Variants in FOXK1 observed in about 807,000 individuals in gnomAD.
FOXK1 encodes the protein forkhead box protein K1.
Under a neutral mutation model 51.9 loss-of-function variants are expected in FOXK1, and 19 were observed. The observed-to-expected ratio is 0.37, with a 90% CI of 0.26 to 0.54. The LOEUF (loss-of-function observed/expected upper bound fraction) is 0.54. Ranked by LOEUF, FOXK1 falls within the 20% of genes least tolerant of loss-of-function variation. The probability of loss-of-function intolerance (pLI) is 0.87; values close to 1 mark genes in which losing one functional copy is unlikely to be tolerated. For missense variants in FOXK1, 870 were observed against 1,032.7 expected, an observed-to-expected ratio of 0.84 and a Z score of 2.16; for synonymous variants, 537 against 482.6, an observed-to-expected ratio of 1.11 and a Z score of -1.48.
chr7:4,688,919 G>A (rs749029487), intron 1 of FOXK1, among the ~76,000 whole-genome samples: 3 of 151,652 alleles, frequency 2.0e-5, no homozygotes, highest in Non-Finnish European at 4.4e-5. Context: ...CCCACAATTT[G>A]TAACATTAGC....
intron 2 of FOXK1, among the ~76,000 whole-genome samples, chr7:4,751,615 G>A (rs1053821702): frequency 2.0e-5 from 3 of 152,228 alleles, no homozygotes; most frequent in African/African-American, 4.8e-5. Flanking sequence ...CTGGTACCAG[G>A]CACAGCCCCG....
Position 4,757,097 on chromosome 7 carries a change from C to T in FOXK1, c.1154C>T (p.Ser385Phe), listed in dbSNP as rs1780862654. Residue 385 changes from serine to phenylalanine, a missense_variant, in exon 5 of 9, where the codon TCT becomes TTT. Transcript: ENST00000328914. ...TCCTTTTGGCGAATAGACCCTGCCT[C>T]TGAAGCCAAGCTCGTGGAACAGGCA... ...KGSFWRIDPA[S>F]EAKLVEQAFR... 1 of 1,613,878 alleles carries T rather than the reference C, an allele frequency of 6.2e-7. No individual in the cohort carries two copies. The highest frequency in any genetic ancestry group is 1.3e-5 in the African/African-American group (1 of 75,038).
At chr7:4,705,996 A>ATATATG (rs1780091704) in intron 1 of FOXK1, among the ~76,000 whole-genome samples, 1 of 96,402 alleles carries the variant, frequency 1.0e-5, no homozygotes. Flanking sequence ...ATATATACGT[A>ATATATG]TATATACGTA....
intron 1 of FOXK1, among the ~76,000 whole-genome samples, chr7:4,738,996 G>A (rs987317455): frequency 2.6e-5 from 4 of 152,168 alleles, no homozygotes; most frequent in Non-Finnish European, 5.9e-5. Context: ...GGCACCCTTC[G>A]TCACCCTCTG....
Position 4,695,758 on chromosome 7 carries a change from G to A in FOXK1, c.560+12890G>A, listed in dbSNP as rs181352609. Reference sequence around the variant, plus strand: ...TCGAGACCAGCCTGACCAACGTGGAGAAACCCCGTCTCTACTAAAAATACA... The same window carrying A: ...TCGAGACCAGCCTGACCAACGTGGAAAAACCCCGTCTCTACTAAAAATACA... On this transcript the variant is annotated intron_variant, in intron 1 of 8. Transcript: ENST00000328914. Among the ~76,000 whole-genome samples, 675 of 152,260 alleles carry A rather than the reference G, an allele frequency of 4.4e-3. 8 individuals carry two copies. Among genetic ancestry groups the A allele is most frequent in the African/African-American group, 0.016 (652 of 41,562 alleles).
intron 1 of FOXK1, among the ~76,000 whole-genome samples, chr7:4,693,721 A>G (rs1779920547): frequency 6.6e-6 from 1 of 152,074 alleles, no homozygotes; most frequent in Admixed American, 6.6e-5. Flanking sequence ...AAAGTCAGTA[A>G]CAGAATTTGT....
rs111828250 is a variant in FOXK1 at position 4,683,300 on chromosome 7, T to G, written c.560+432T>G. 6.9e-6 allele frequency among the ~76,000 whole-genome samples: 1 copy of G among 145,344 alleles called. No homozygotes were observed. The highest frequency in any genetic ancestry group is 2.1e-4 in the East Asian group (1 of 4,746). ...GACCCCTGACCCAGATCCCTGCTGC[T>G]CCCCAGCTCCCATCGGCCTGGACTC... On this transcript the variant is annotated intron_variant, in intron 1 of 8. Transcript: ENST00000328914. This position sits in a 1 kb window ranked among gnomAD's most constrained non-coding sequence, Gnocchi z 4.5.
Position 4,745,193 on chromosome 7 carries a change from C to G in FOXK1, c.746+4170C>G, listed in dbSNP as rs548901677. 4.1e-4 allele frequency among the ~76,000 whole-genome samples: 63 copies of G among 152,332 alleles called. No homozygotes were observed. Among genetic ancestry groups the G allele is most frequent in the Middle Eastern group, 3.4e-3 (1 of 294 alleles). On this transcript the variant is annotated intron_variant, in intron 2 of 8. Coordinates refer to ENST00000328914, the MANE Select transcript of FOXK1 (RefSeq NM_001037165.2). This position sits in a 1 kb window ranked among gnomAD's most constrained non-coding sequence, Gnocchi z 4.3. Reference sequence around the variant, plus strand: ...CAAGGCTGTCCCCTCCCAGTGCCGCCCCGCCCCCGCGGTGCCTGCCTTCCT... The same window carrying G: ...CAAGGCTGTCCCCTCCCAGTGCCGCGCCGCCCCCGCGGTGCCTGCCTTCCT...
At chr7:4,686,927 T>G (rs991916762) in intron 1 of FOXK1, among the ~76,000 whole-genome samples, 1 of 148,276 alleles carries the variant, frequency 6.7e-6, no homozygotes, top group African/African-American at 2.6e-5. Context: ...CACTTAATTT[T>G]TTTTCTTTTC....
rs371408634 is a variant in FOXK1 at position 4,750,890 on chromosome 7, G to A, written c.747-3569G>A. On this transcript the variant is annotated intron_variant, in intron 2 of 8. Coordinates refer to ENST00000328914, the MANE Select transcript of FOXK1 (RefSeq NM_001037165.2). ...TGGCTGATTTTGCATTTTCAGTAGAGACGGGATTTCTCTAAATCGGGCAGG... is the reference window on the plus strand; with the variant it reads ...TGGCTGATTTTGCATTTTCAGTAGAAACGGGATTTCTCTAAATCGGGCAGG... Among the ~76,000 whole-genome samples, 30 of 151,882 alleles carry A rather than the reference G, an allele frequency of 2.0e-4. No individual in the cohort carries two copies. The East Asian group carries it at 3.1e-3, about 16-fold the overall frequency.
At position 4,688,150 on chromosome 7, in the gene FOXK1, A is replaced by G. The variant is rs991328981; in HGVS notation, c.560+5282A>G. Among the ~76,000 whole-genome samples, 6 of 150,484 alleles carry G rather than the reference A, an allele frequency of 4.0e-5. No individual in the cohort carries two copies. The South Asian group carries it at 8.4e-4, about 21-fold the overall frequency. The stretch of plus-strand genomic sequence containing the variant: ...ATCATCTTGTGGCCAGGCTTGTTTT[A>G]TCTTCACCCCCATTCACCTTTCCCC... On this transcript the variant is annotated intron_variant, in intron 1 of 8. Coordinates refer to ENST00000328914, the MANE Select transcript of FOXK1 (RefSeq NM_001037165.2).
chr7:4,755,352 C>G lies in FOXK1; in HGVS notation c.1019C>G (p.Pro340Arg), dbSNP rs143547591. 2 of 1,613,700 alleles carry G rather than the reference C, an allele frequency of 1.2e-6. No individual in the cohort carries two copies. The highest frequency in any genetic ancestry group is 2.7e-5 in the African/African-American group (2 of 75,048). The change falls in exon 4 of 9, where the codon CCC becomes CGC. Residue 340 changes from proline (P) to arginine (R), a missense_variant. Around this residue, in one of 3 missense-constraint regions of FOXK1, gnomAD observed 399 missense variants for 475.6 expected, o/e 0.84. Coordinates refer to ENST00000328914, the MANE Select transcript of FOXK1 (RefSeq NM_001037165.2). This position sits in a 1 kb window ranked among gnomAD's most constrained non-coding sequence, Gnocchi z 6.6. The stretch of plus-strand genomic sequence containing the variant: ...TACGCCCACATCACCAAGCATTACC[C>G]CTACTACCGGACGGCCGACAAAGGC... Reference protein sequence around the residue: ...GIYAHITKHYPYYRTADKGWQ... With the variant: ...GIYAHITKHYRYYRTADKGWQ...
intron 1 of FOXK1, among the ~76,000 whole-genome samples, chr7:4,726,621 CA>C (rs557341220): frequency 6.2e-4 from 86 of 137,738 alleles, no homozygotes; most frequent in Middle Eastern, 3.6e-3. Context: ...GACTCCGTCT[CA>C]AAAAAAAAAA....
chr7:4,704,245 G>A (rs1413927992), intron 1 of FOXK1, among the ~76,000 whole-genome samples: 1 of 152,138 alleles, frequency 6.6e-6, no homozygotes, highest in Non-Finnish European at 1.5e-5. Flanking sequence ...GAGGTCAGGA[G>A]TTTGAGACCA....
In FOXK1 at chr7:4,735,062, G is replaced by T. The variant is rs1402140919; in HGVS notation, c.561-5776G>T. On this transcript the variant is annotated intron_variant, in intron 1 of 8. Transcript: ENST00000328914. The surrounding 1 kb of genome is among the most constrained non-coding windows in gnomAD (Gnocchi z 4.7). ...TTCCTGACAGCTTTCTGTTTGGCCG[G>T]GCAGGTGGTAGGATTTGTGGCCTAG... 1.3e-5 allele frequency among the ~76,000 whole-genome samples: 2 copies of T among 152,156 alleles called. No homozygotes were observed. Among genetic ancestry groups the T allele is most frequent in the African/African-American group, 4.8e-5 (2 of 41,434 alleles).
intron 1 of FOXK1, among the ~76,000 whole-genome samples, chr7:4,706,036 G>GTGTATATACGTA (rs1562373226): frequency 0.013 from 1,613 of 125,510 alleles, 76 homozygotes; most frequent in Middle Eastern, 0.022. Flanking sequence ...GTATATACGT[G>GTGTATATACGTA]TATATACGTG....
rs1344013697 is a variant in FOXK1, at chr7:4,764,726, TG to T, written c.*2265del. On this transcript the variant is annotated 3_prime_UTR_variant, in exon 9 of 9. Coordinates refer to ENST00000328914, the MANE Select transcript of FOXK1 (RefSeq NM_001037165.2). ...TCAGGGCTGCCTGTGGCCACCCTGATGGGAGACCTCTGTTTGCTTCTGGGCC... is the reference window on the plus strand; with the variant it reads ...TCAGGGCTGCCTGTGGCCACCCTGATGGAGACCTCTGTTTGCTTCTGGGCC... 2 of 152,384 alleles carry T rather than the reference TG, an allele frequency of 1.3e-5. No homozygotes were observed. The highest frequency in any genetic ancestry group is 4.8e-5 in the African/African-American group (2 of 41,574). The allele number at this position is 152,384 out of a possible 1,614,324, so 9.4% of individuals were successfully genotyped here.
rs1000281660 is a variant in FOXK1, at chr7:4,765,443, C to G, written c.*2979C>G. 6.6e-6 allele frequency: 1 copy of G among 152,298 alleles called. No individual in the cohort carries two copies. Among genetic ancestry groups the G allele is most frequent in the Non-Finnish European group, 1.5e-5 (1 of 68,114 alleles). 9.4% of individuals were successfully genotyped at this position (152,298 alleles called of 1,614,324 possible). A position where few individuals can be genotyped will look rare whatever the true frequency, so the allele number is the denominator to read the frequency against. On this transcript the variant is annotated 3_prime_UTR_variant, in exon 9 of 9. Transcript: ENST00000328914. ...GCCCCCAGCCTGGGCGGCCTGTGACCCTGAGCCGTGTGGAGCCAGGACCCA... is the reference window on the plus strand; with the variant it reads ...GCCCCCAGCCTGGGCGGCCTGTGACGCTGAGCCGTGTGGAGCCAGGACCCA...
chr7:4,684,128 C>G (rs1207549498), intron 1 of FOXK1, among the ~76,000 whole-genome samples: 5 of 152,200 alleles, frequency 3.3e-5, no homozygotes, highest in Non-Finnish European at 5.9e-5. Context: ...TGCTCTGCCC[C>G]GGACCTCAAG....
Sources: allele counts gnomAD v4.1 joint callset (sites outside exome capture counted in the v4.1 genomes callset), GRCh38; gene constraint gnomAD v4.1.1; regional missense constraint gnomAD v4.1.1; non-coding constraint Gnocchi (gnomAD v3.1); transcripts MANE v1.5; gene names NCBI Gene and HGNC (gene_info 2026-07-23, HGNC 2026-07-21).